ADCY8: variants seen among roughly 807,000 people sequenced by gnomAD.
ADCY8 encodes the protein adenylate cyclase type 8.
In ADCY8, 51 loss-of-function variants were observed where a neutral mutation model predicts 119.7. That is an observed-to-expected ratio of 0.43 (90% CI 0.34 to 0.54). The LOEUF (loss-of-function observed/expected upper bound fraction) is 0.54, where lower values mean the gene tolerates loss of function less well. ADCY8 is among the 20% of genes least tolerant of loss of function. ADCY8 has a pLI of 0.03. For missense variants in ADCY8, 1,383 were observed against 1,598.8 expected (o/e 0.87, Z 2.30); for synonymous variants, 665 against 651.0 (o/e 1.02, Z -0.33).
intron 8 of ADCY8, among the ~76,000 whole-genome samples, chr8:130,879,251 G>C (rs188589476): frequency 9.2e-5 from 14 of 152,230 alleles, no homozygotes; most frequent in Admixed American, 2.0e-4. Context: ...TCCCACAAAA[G>C]GTTAAGTTCC....
chr8:130,805,510 C>A (rs1815919894), intron 14 of ADCY8, among the ~76,000 whole-genome samples: 1 of 152,116 alleles, frequency 6.6e-6, no homozygotes, highest in African/African-American at 2.4e-5. Context: ...GAGTTCAGAT[C>A]TTGATTCTGT....
At position 130,824,575 on chromosome 8, in the gene ADCY8, T is replaced by C. The variant is rs150116587; in HGVS notation, c.2676-3155A>G. ...CCTAGTAAAAACCCACAGAAAACAA[T>C]GTAATGTGTATTGAATGGATACATG... On this transcript the variant is annotated intron_variant, in intron 12 of 17. Coordinates refer to ENST00000286355, the MANE Select transcript of ADCY8 (RefSeq NM_001115.3). 2.6e-5 allele frequency among the ~76,000 whole-genome samples: 4 copies of C among 152,138 alleles called. 1 individual carries two copies. Among genetic ancestry groups the C allele is most frequent in the Admixed American group, 2.6e-4 (4 of 15,274 alleles).
chr8:130,825,707 A>G (rs1194121128), intron 12 of ADCY8, among the ~76,000 whole-genome samples: 4 of 152,250 alleles, frequency 2.6e-5, no homozygotes, highest in Non-Finnish European at 4.4e-5. Flanking sequence ...GAGGCACTTG[A>G]GGATGGAAAT....
intron 5 of ADCY8, among the ~76,000 whole-genome samples, chr8:130,922,547 A>T (rs866444926): frequency 6.6e-6 from 1 of 151,968 alleles, no homozygotes; most frequent in Admixed American, 6.6e-5. Context: ...GATCAACAGG[A>T]TCCCAAGGCA....
chr8:130,799,787 G>T (rs263238), intron 15 of ADCY8, among the ~76,000 whole-genome samples: 9 of 152,100 alleles, frequency 5.9e-5, no homozygotes, highest in Non-Finnish European at 8.8e-5. Flanking sequence ...GGCTTATTCC[G>T]TAGCATTTTC....
At chr8:130,894,565 T>C (rs1819317989) in intron 7 of ADCY8, among the ~76,000 whole-genome samples, 1 of 152,146 alleles carries the variant, frequency 6.6e-6, no homozygotes, top group African/African-American at 2.4e-5. Context: ...AATCTAGTGG[T>C]GCATAACCTG....
intron 15 of ADCY8, among the ~76,000 whole-genome samples, chr8:130,795,551 A>G (rs528262334): frequency 1.4e-4 from 21 of 152,292 alleles, no homozygotes; most frequent in African/African-American, 5.1e-4. Context: ...ATTTAGATGT[A>G]ATTTCTGATT....
At chr8:130,861,529 A>G (rs2130367257) in intron 9 of ADCY8, among the ~76,000 whole-genome samples, 1 of 152,270 alleles carries the variant, frequency 6.6e-6, no homozygotes. Flanking sequence ...GTATATTGAC[A>G]TTGTATTCTG....
intron 8 of ADCY8, among the ~76,000 whole-genome samples, chr8:130,881,845 A>T (rs1246188162): frequency 1.5e-5 from 2 of 135,294 alleles, no homozygotes; most frequent in African/African-American, 5.2e-5. Context: ...AAATTCTCTG[A>T]TAATTTTTTT....
chr8:130,936,463 A>T (rs537214397), intron 5 of ADCY8, among the ~76,000 whole-genome samples: 1 of 152,222 alleles, frequency 6.6e-6, no homozygotes, highest in South Asian at 2.1e-4. Flanking sequence ...GCCAGCCTAC[A>T]GTCCATCTGT....
chr8:130,944,270 G>T (rs1190883242), intron 3 of ADCY8, among the ~76,000 whole-genome samples: 1 of 152,186 alleles, frequency 6.6e-6, no homozygotes, highest in African/African-American at 2.4e-5. Context: ...TGGTTGAATT[G>T]CACTGAGGGA....
intron 3 of ADCY8, 52 bp downstream of exon 3, chr8:130,951,816 C>G: frequency 1.2e-6 from 2 of 1,603,572 alleles, no homozygotes; most frequent in Non-Finnish European, 1.7e-6. Flanking sequence ...TGAGAGCACC[C>G]AAACACACAT....
intron 9 of ADCY8, among the ~76,000 whole-genome samples, chr8:130,861,380 GT>G (rs1817923109): frequency 6.6e-6 from 1 of 152,050 alleles, no homozygotes; most frequent in African/African-American, 2.4e-5. Context: ...TTTCATCAGT[GT>G]TTTGAAGATT....
At chr8:130,814,303 G>A in intron 13 of ADCY8, 76 bp from the exon 14 acceptor site, 1 of 1,474,222 alleles carries the variant, frequency 6.8e-7, no homozygotes, top group Non-Finnish European at 9.3e-7. Context: ...ACAACTGGGA[G>A]GCAGGAAAGG....
chr8:130,923,931 T>C (rs1820387523), intron 5 of ADCY8, among the ~76,000 whole-genome samples: 1 of 152,236 alleles, frequency 6.6e-6, no homozygotes. Context: ...TATTCTTAGA[T>C]GTTTATTGAC....
rs549674374 is a variant in ADCY8, at chr8:130,914,687, TCTA to T, written c.1482-4824_1482-4822del. Among the ~76,000 whole-genome samples, 123 of 152,264 alleles carry T rather than the reference TCTA, an allele frequency of 8.1e-4. 8 individuals are homozygous for T. The South Asian group carries it at 0.025, about 31-fold the overall frequency. On this transcript the variant is annotated intron_variant, in intron 5 of 17. Coordinates refer to ENST00000286355, the MANE Select transcript of ADCY8 (RefSeq NM_001115.3). ...TTCTTGAAGCTAAAATGGAGACAAT[TCTA>T]CTCCTAGCGACAAGTCTTGTTCAGT...
intron 9 of ADCY8, among the ~76,000 whole-genome samples, chr8:130,866,375 C>A (rs943400155): frequency 6.6e-6 from 1 of 152,070 alleles, no homozygotes; most frequent in African/African-American, 2.4e-5. Flanking sequence ...TCCTAAAAAT[C>A]TCCTGGGGCC....
chr8:130,977,532 A>G (rs1822109407), intron 2 of ADCY8, among the ~76,000 whole-genome samples: 1 of 152,202 alleles, frequency 6.6e-6, no homozygotes, highest in African/African-American at 2.4e-5. Flanking sequence ...GAATGTATAT[A>G]TTTCACAATT....
chr8:130,845,771 C>G (rs1320606298), intron 11 of ADCY8, among the ~76,000 whole-genome samples: 1 of 151,586 alleles, frequency 6.6e-6, no homozygotes, highest in Non-Finnish European at 1.5e-5. Flanking sequence ...CCTCTAGGGA[C>G]CAGGGAAGAT....
Sources: allele counts gnomAD v4.1 joint callset (sites outside exome capture counted in the v4.1 genomes callset), GRCh38; gene constraint gnomAD v4.1.1; transcripts MANE v1.5; gene names NCBI Gene and HGNC (gene_info 2026-07-23, HGNC 2026-07-21).